The following IL1RAPL2 variants were observed in gnomAD, a reference collection of about 807,000 sequenced individuals.
IL1RAPL2 encodes the protein interleukin 1 receptor accessory protein like 2, also known as X-linked interleukin-1 receptor accessory protein-like 2.
Under a neutral mutation model 44.1 loss-of-function variants are expected in IL1RAPL2, and 3 were observed. The ratio of observed to expected loss-of-function variants is 0.07; its 90% CI spans 0.03 to 0.18. IL1RAPL2 has a LOEUF of 0.18. IL1RAPL2 is among the 10% of genes least tolerant of loss of function. IL1RAPL2 has a pLI of 1.00. For missense variants in IL1RAPL2, 391 were observed against 496.4 expected (o/e 0.79, Z 2.02); for synonymous variants, 181 against 178.8 (o/e 1.01, Z -0.10).
chrX:104,633,106 T>C (rs1315527203), intron 1 of IL1RAPL2, among the ~76,000 whole-genome samples: 8 of 111,722 alleles, frequency 7.2e-5, no homozygotes, highest in Non-Finnish European at 1.3e-4. Flanking sequence ...AATCGTATGG[T>C]TTTTGTCTTT....
At chrX:104,907,591 G>T (rs1370460241) in intron 2 of IL1RAPL2, among the ~76,000 whole-genome samples, 2 of 111,805 alleles carry the variant, frequency 1.8e-5, no homozygotes, top group East Asian at 5.6e-4. Context: ...AGGTTGTTCA[G>T]TTTCCATGTA....
intron 6 of IL1RAPL2, among the ~76,000 whole-genome samples, chrX:105,508,516 G>T (rs1287368147): frequency 1.8e-5 from 2 of 109,798 alleles, no homozygotes; most frequent in African/African-American, 6.6e-5. Context: ...AATATCATAA[G>T]GTTTACCTCA....
At chrX:104,878,993 A>G (rs1382338783) in intron 2 of IL1RAPL2, among the ~76,000 whole-genome samples, 1 of 111,045 alleles carries the variant, frequency 9.0e-6, no homozygotes, top group Non-Finnish European at 1.9e-5. Flanking sequence ...TTGATTTCCA[A>G]CCGAGCCAAC....
chrX:104,700,125 TAAAC>T (rs1370753998), intron 2 of IL1RAPL2, among the ~76,000 whole-genome samples: 3 of 112,035 alleles, frequency 2.7e-5, no homozygotes, highest in African/African-American at 3.2e-5. Context: ...ATTTTTCAAT[TAAAC>T]AATCTAATGT....
At chrX:104,568,799 C>T (rs1293396335) in intron 1 of IL1RAPL2, among the ~76,000 whole-genome samples, 2 of 111,586 alleles carry the variant, frequency 1.8e-5, no homozygotes, top group South Asian at 3.8e-4. Context: ...TGCCTATCTT[C>T]GCCACTTGCA....
In IL1RAPL2 at chrX:105,347,537, C is replaced by A. The variant is rs188170575; in HGVS notation, c.697+79996C>A. Among the ~76,000 whole-genome samples the A allele has an allele frequency of 5.4e-3, 549 of 101,363 alleles. 6 individuals are homozygous for A. Among genetic ancestry groups the A allele is most frequent in the African/African-American group, 0.02 (517 of 25,994 alleles). The allele number at this position is 101,363 out of a possible 115,157, so 88.0% of individuals were successfully genotyped here. A position where few individuals can be genotyped will look rare whatever the true frequency, so the allele number is the denominator to read the frequency against. On this transcript the variant is annotated intron_variant, in intron 5 of 10. Coordinates refer to ENST00000372582, the MANE Select transcript of IL1RAPL2 (RefSeq NM_017416.2). Reference sequence around the variant, plus strand: ...GAGTATTGTAATTTATTCCTCCTCCCGCTCTTCCCTCTCTTCCTCCATCAT... The same window carrying A: ...GAGTATTGTAATTTATTCCTCCTCCAGCTCTTCCCTCTCTTCCTCCATCAT...
intron 2 of IL1RAPL2, among the ~76,000 whole-genome samples, chrX:105,040,404 T>G (rs2031708783): frequency 9.0e-6 from 1 of 111,460 alleles, no homozygotes; most frequent in South Asian, 3.8e-4. Flanking sequence ...ATATAATGAG[T>G]TATGGAGGAT....
chrX:104,944,671 T>C (rs1925296530), intron 2 of IL1RAPL2, among the ~76,000 whole-genome samples: 1 of 112,011 alleles, frequency 8.9e-6, no homozygotes, highest in Non-Finnish European at 1.9e-5. Context: ...AACGCTGGTT[T>C]AGGATTTCTT....
At chrX:105,500,265 G>GGAT (rs1018867172) in intron 6 of IL1RAPL2, among the ~76,000 whole-genome samples, 1 of 110,080 alleles carries the variant, frequency 9.1e-6, no homozygotes, top group African/African-American at 3.3e-5. Context: ...GTACAACAAT[G>GGAT]GATATATAGA....
chrX:105,499,714 T>C (rs1348020520), intron 6 of IL1RAPL2, among the ~76,000 whole-genome samples: 3 of 111,812 alleles, frequency 2.7e-5, no homozygotes, highest in Non-Finnish European at 5.6e-5. Context: ...CCTGTTAAGA[T>C]GGCTATTATT....
At chrX:105,228,673 T>C (rs1474801085) in intron 3 of IL1RAPL2, among the ~76,000 whole-genome samples, 1 of 112,515 alleles carries the variant, frequency 8.9e-6, no homozygotes, top group Admixed American at 9.4e-5. Flanking sequence ...CCTTAGATGT[T>C]ATGTTACACA....
intron 6 of IL1RAPL2, among the ~76,000 whole-genome samples, chrX:105,553,246 T>C (rs2036872020): frequency 8.9e-6 from 1 of 111,867 alleles, no homozygotes; most frequent in African/African-American, 3.2e-5. Context: ...TGACTGCATG[T>C]TTCAGGAGTT....
At chrX:104,587,501 G>T (rs760127173) in intron 1 of IL1RAPL2, among the ~76,000 whole-genome samples, 23 of 111,578 alleles carry the variant, frequency 2.1e-4, no homozygotes, top group Non-Finnish European at 4.0e-4. Context: ...TGGAAGTGGG[G>T]GCCCAAGAAT....
intron 2 of IL1RAPL2, among the ~76,000 whole-genome samples, chrX:105,096,054 G>T (rs1372588331): frequency 9.0e-6 from 1 of 111,610 alleles, no homozygotes; most frequent in East Asian, 2.8e-4. Context: ...TTTCTCCAAA[G>T]ATCTACAGAT....
chrX:104,582,117 T>A (rs1345378593), intron 1 of IL1RAPL2, among the ~76,000 whole-genome samples: 1 of 112,137 alleles, frequency 8.9e-6, no homozygotes, highest in Non-Finnish European at 1.9e-5. Flanking sequence ...TAGAAGCATT[T>A]TATTGTAAAA....
intron 5 of IL1RAPL2, among the ~76,000 whole-genome samples, chrX:105,414,017 G>C: frequency 8.9e-6 from 1 of 112,251 alleles, no homozygotes; most frequent in East Asian, 2.8e-4. Flanking sequence ...TATTTTCCCT[G>C]TTTCATGTTA....
At chrX:104,719,004 C>A (rs1931629638) in intron 2 of IL1RAPL2, among the ~76,000 whole-genome samples, 1 of 111,981 alleles carries the variant, frequency 8.9e-6, no homozygotes, top group South Asian at 3.7e-4. Flanking sequence ...TAGTTTCTGA[C>A]TCCTGCTTTA....
intron 7 of IL1RAPL2, among the ~76,000 whole-genome samples, chrX:105,718,800 T>C (rs2038278269): frequency 9.0e-6 from 1 of 110,586 alleles, no homozygotes; most frequent in African/African-American, 3.3e-5. Context: ...GTACAAATCT[T>C]AGCCAGGCAT....
At chrX:104,716,512 T>C (rs764093567) in intron 2 of IL1RAPL2, among the ~76,000 whole-genome samples, 35 of 111,138 alleles carry the variant, frequency 3.1e-4, no homozygotes, top group African/African-American at 1.1e-3. Context: ...ATGAAAATAT[T>C]TGAAAACTAT....
Sources: gnomAD v4.1 joint callset for allele counts (sites outside exome capture counted in the v4.1 genomes callset) on GRCh38, gnomAD v4.1.1 for gene constraint, MANE v1.5 for transcripts, NCBI Gene and HGNC (gene_info 2026-07-23, HGNC 2026-07-21) for gene names.